FCMR: variants seen among roughly 807,000 people sequenced by gnomAD.
FCMR encodes the protein Fc mu receptor.
FCMR carries 34 observed loss-of-function variants against 41.6 expected under a neutral mutation model. The ratio of observed to expected loss-of-function variants is 0.82; its 90% CI spans 0.62 to 1.09. FCMR has a LOEUF of 1.09. Among genes scored for constraint, FCMR ranks in the 50% least tolerant of loss-of-function variants. The probability of loss-of-function intolerance (pLI) is 0.00; values close to 1 mark genes in which losing one functional copy is unlikely to be tolerated. For missense variants in FCMR, 496 were observed against 512.5 expected (o/e 0.97, Z 0.31); for synonymous variants, 209 against 211.8 (o/e 0.99, Z 0.12).
Position 206,909,838 on chromosome 1 carries a change from A to C in FCMR, c.872T>G (p.Val291Gly). 1 of 1,390,062 alleles carries C rather than the reference A, an allele frequency of 7.2e-7. No homozygotes were observed. The highest frequency in any genetic ancestry group is 9.3e-7 in the Non-Finnish European group (1 of 1,075,038). 86.1% of individuals were successfully genotyped at this position (1,390,062 alleles called of 1,614,324 possible). The change falls in exon 6 of 8, where the codon GTG becomes GGG. Residue 291 changes from valine (V) to glycine (G), a missense_variant. By Grantham distance (109) the Val-to-Gly change is moderately radical. Coordinates refer to ENST00000367091, the MANE Select transcript of FCMR (RefSeq NM_005449.5). This position sits in a 1 kb window ranked among gnomAD's most constrained non-coding sequence, Gnocchi z 5.0. The stretch of plus-strand genomic sequence containing the variant: ...GGAGCTCTCCAGGGCGCGCATCCTC[A>C]CGGCCAGTCGGCGGGCCCGCCTGGA... ...ALSRRARRLA[V>G]RMRALESSQR...
chr1:206,903,416 G>A lies in FCMR; in HGVS notation c.*1603C>T, dbSNP rs1390431451. 1 of 204,944 alleles carries A rather than the reference G, an allele frequency of 4.9e-6. No homozygotes were observed. Among genetic ancestry groups the A allele is most frequent in the Non-Finnish European group, 1.0e-5 (1 of 99,566 alleles). The allele number at this position is 204,944 out of a possible 1,614,324, so 12.7% of individuals were successfully genotyped here. On this transcript the variant is annotated 3_prime_UTR_variant, in exon 8 of 8. Coordinates refer to ENST00000367091, the MANE Select transcript of FCMR (RefSeq NM_005449.5). ...TTTACCCCTCACAATCCTTGCCACA[G>A]TGTGGGGCAGTGGATGGGTGCTTAG...
chr1:206,921,426 C>T, intron 1 of FCMR: 1 of 436,780 alleles, frequency 2.3e-6, no homozygotes, highest in East Asian at 7.0e-5. Flanking sequence ...CACAGCAAGA[C>T]TCCATCTCTA....
chr1:206,905,558 A>C (rs146406398), intron 7 of FCMR, among the ~76,000 whole-genome samples: 20 of 152,266 alleles, frequency 1.3e-4, no homozygotes, highest in Non-Finnish European at 2.1e-4. Context: ...AGATGCTGTG[A>C]TGTGGCGTCG....
chr1:206,920,967 T>A (rs1679413027), intron 1 of FCMR, among the ~76,000 whole-genome samples: 3 of 152,222 alleles, frequency 2.0e-5, no homozygotes, highest in African/African-American at 7.2e-5. Flanking sequence ...TGGCTGATGA[T>A]CAGCGATACT....
In FCMR at chr1:206,910,071, C is replaced by T; in HGVS notation, c.841+139G>A. On this transcript the variant is annotated intron_variant, in intron 5 of 7. Coordinates refer to ENST00000367091, the MANE Select transcript of FCMR (RefSeq NM_005449.5). ...GCCGCTCTCCTCCTCAGACCAGTGG[C>T]CCCCACTTCCCTAACTTCCCTACAC... 7.7e-6 allele frequency: 9 copies of T among 1,163,354 alleles called. 1 individual carries two copies. The highest frequency in any genetic ancestry group is 1.1e-5 in the Non-Finnish European group (9 of 850,000). 72.1% of individuals were successfully genotyped at this position (1,163,354 alleles called of 1,614,324 possible).
Position 206,914,310 on chromosome 1 carries a change from TTTCCTTCCTTCCTTCC to T in FCMR, c.38-232_38-217del, listed in dbSNP as rs139221448. ...TCATTTCTTTTTTCTTTTTCTTTTCTTTCCTTCCTTCCTTCCTTCCTTCCTTCCTTCCTTCCTTCCT... is the reference window on the plus strand; with the variant it reads ...TCATTTCTTTTTTCTTTTTCTTTTCTTTCCTTCCTTCCTTCCTTCCTTCCT... On this transcript the variant is annotated intron_variant, in intron 1 of 7. Transcript: ENST00000367091. 4.6e-3 allele frequency among the ~76,000 whole-genome samples: 677 copies of T among 145,662 alleles called. 4 individuals are homozygous for T. Among genetic ancestry groups the T allele is most frequent in the African/African-American group, 9.3e-3 (365 of 39,234 alleles).
At chr1:206,907,393 G>T (rs1213167754) in intron 7 of FCMR, among the ~76,000 whole-genome samples, 1 of 152,134 alleles carries the variant, frequency 6.6e-6, no homozygotes, top group Non-Finnish European at 1.5e-5. Flanking sequence ...GAGCTGGCAA[G>T]ACTCCAGAGG....
chr1:206,911,989 A>G (rs1223842798), intron 3 of FCMR, 37 bp from the exon 4 acceptor site: 1 of 1,482,044 alleles, frequency 6.7e-7, no homozygotes, highest in Non-Finnish European at 9.3e-7. Context: ...TGTTCCTTTT[A>G]TACACTCTAT....
chr1:206,922,786 T>C (rs1418145096), upstream of FCMR, among the ~76,000 whole-genome samples: 1 of 152,212 alleles, frequency 6.6e-6, no homozygotes. Flanking sequence ...TGGAGAGAGA[T>C]GCTGAGGCCA....
In FCMR at chr1:206,904,909, A is replaced by C. The variant is rs569086337; in HGVS notation, c.*110T>G. On this transcript the variant is annotated 3_prime_UTR_variant, in exon 8 of 8. Transcript: ENST00000367091. Reference sequence around the variant, plus strand: ...ATGGGAGTCGAGATGGGGCATGGGAAGTGATGAGGGCTCTGAGAACACATG... The same window carrying C: ...ATGGGAGTCGAGATGGGGCATGGGACGTGATGAGGGCTCTGAGAACACATG... 8.8e-7 allele frequency: 1 copy of C among 1,138,492 alleles called. No individual in the cohort carries two copies. The highest frequency in any genetic ancestry group is 1.7e-5 in the Admixed American group (1 of 57,296). 70.5% of individuals were successfully genotyped at this position (1,138,492 alleles called of 1,614,324 possible). A position where few individuals can be genotyped will look rare whatever the true frequency, so the allele number is the denominator to read the frequency against.
At chr1:206,915,626 T>G (rs1215666155) in intron 1 of FCMR, among the ~76,000 whole-genome samples, 1 of 152,144 alleles carries the variant, frequency 6.6e-6, no homozygotes, top group Non-Finnish European at 1.5e-5. Context: ...GCGGATCCCA[T>G]AAGTGTCTGC....
chr1:206,917,202 G>A (rs1679231451), intron 1 of FCMR, among the ~76,000 whole-genome samples: 1 of 152,192 alleles, frequency 6.6e-6, no homozygotes, highest in African/African-American at 2.4e-5. Flanking sequence ...GGTGGCTGGG[G>A]AGCTCTGGAG....
chr1:206,909,514 C>T lies in FCMR; in HGVS notation c.992G>A (p.Gly331Glu), dbSNP rs922378937. The change falls in exon 7 of 8, where the codon GGG (glycine) becomes GAG (glutamate). Residue 331 changes from glycine (G) to glutamate (E), a missense_variant. Gly to Glu is a moderately conservative substitution (Grantham distance 98). Coordinates refer to ENST00000367091, the MANE Select transcript of FCMR (RefSeq NM_005449.5). The surrounding 1 kb of genome is among the most constrained non-coding windows in gnomAD (Gnocchi z 5.0). ...RARGADAAGT[G>E]EAPVPGPGAP... is the part of the protein sequence containing the mutation. ...TCCGGGGCCGGGAACGGGGGCCTCC[C>T]CTGTGCCTAGGGAACAGCGAGGGCG... 1 of 1,309,294 alleles carries T rather than the reference C, an allele frequency of 7.6e-7. No individual in the cohort carries two copies. The highest frequency in any genetic ancestry group is 1.5e-5 in the African/African-American group (1 of 64,876). The allele number at this position is 1,309,294 out of a possible 1,614,324, so 81.1% of individuals were successfully genotyped here.
intron 7 of FCMR, among the ~76,000 whole-genome samples, chr1:206,908,441 T>C (rs1678776105): frequency 1.3e-5 from 2 of 152,206 alleles, no homozygotes; most frequent in South Asian, 4.1e-4. Flanking sequence ...AATTTATCTA[T>C]GACCAATAGG....
Position 206,913,826 on chromosome 1 carries a change from A to G in FCMR, c.306T>C (p.Tyr102=), listed in dbSNP as rs1241265738. Residue 102 remains tyrosine, a synonymous_variant, in exon 2 of 8, where the codon TAT becomes TAC. Coordinates refer to ENST00000367091, the MANE Select transcript of FCMR (RefSeq NM_005449.5). ...CTGTGTTCATGCCCGCTCCGCAGGC[A>G]TAGACTCCGCTGTCACTTTCTGTCA... ...TQLTESDSGV[Y]ACGAGMNTDR... 6.2e-7 allele frequency: 1 copy of G among 1,614,226 alleles called. No individual in the cohort carries two copies. Among genetic ancestry groups the G allele is most frequent in the South Asian group, 1.1e-5 (1 of 91,080 alleles).
intron 7 of FCMR, chr1:206,908,355 A>T (rs1678771546): frequency 1.7e-6 from 1 of 590,148 alleles, no homozygotes; most frequent in African/African-American, 1.9e-5. Flanking sequence ...GGACATAGGA[A>T]GCTGGGAGCA....
chr1:206,906,118 C>A, intron 7 of FCMR: 1 of 475,878 alleles, frequency 2.1e-6, no homozygotes, highest in South Asian at 1.7e-5. Context: ...GGTAGCACTC[C>A]ACTTAGATGA....
intron 2 of FCMR, chr1:206,913,522 GGA>G (rs1679034108): frequency 1.8e-6 from 1 of 570,786 alleles, no homozygotes; most frequent in Non-Finnish European, 3.1e-6. Context: ...GCCCTGGGTA[GGA>G]TGAACAATAC....
intron 4 of FCMR, among the ~76,000 whole-genome samples, chr1:206,910,653 G>T (rs1678899947): frequency 6.6e-6 from 1 of 152,132 alleles, no homozygotes; most frequent in African/African-American, 2.4e-5. Flanking sequence ...AATAAGAGTG[G>T]ATATAAAGAA....
Sources: gnomAD v4.1 joint callset for allele counts (sites outside exome capture counted in the v4.1 genomes callset) on GRCh38, gnomAD v4.1.1 for gene constraint, Gnocchi (gnomAD v3.1) non-coding constraint, MANE v1.5 for transcripts, NCBI Gene and HGNC (gene_info 2026-07-23, HGNC 2026-07-21) for gene names.